AGBL1: variants seen among roughly 807,000 people sequenced by gnomAD.
The protein encoded by AGBL1 is AGBL carboxypeptidase 1.
Under a neutral mutation model 118.9 loss-of-function variants are expected in AGBL1, and 130 were observed. That is an observed-to-expected ratio of 1.09 (90% CI 0.95 to 1.26). The LOEUF is 1.26. Among genes scored for constraint, AGBL1 ranks in the 50% most tolerant of loss-of-function variants. The pLI is 0.00. For synonymous variants in AGBL1, 555 were observed against 478.9 expected (o/e 1.16, Z -2.08); for missense variants, 1,584 against 1,298.1 (o/e 1.22, Z -3.38).
intron 7 of AGBL1, among the ~76,000 whole-genome samples, chr15:86,256,439 T>C (rs1455306014): frequency 6.6e-5 from 10 of 152,222 alleles, no homozygotes; most frequent in Admixed American, 6.5e-4. Context: ...CTTCCATCAA[T>C]TCAGCTGCTC....
At chr15:86,370,431 A>G (rs1447447417) in intron 17 of AGBL1, among the ~76,000 whole-genome samples, 5 of 151,208 alleles carry the variant, frequency 3.3e-5, no homozygotes, top group Non-Finnish European at 7.4e-5. Flanking sequence ...CAGCCTCCTG[A>G]GTAGCCGGGA....
intron 21 of AGBL1, among the ~76,000 whole-genome samples, chr15:86,671,427 T>A (rs952786085): frequency 6.6e-6 from 1 of 152,192 alleles, no homozygotes; most frequent in African/African-American, 2.4e-5. Context: ...TGTGTTACTG[T>A]CTGTGGAAAA....
At chr15:86,679,489 T>G (rs907999922) in intron 22 of AGBL1, among the ~76,000 whole-genome samples, 2 of 152,088 alleles carry the variant, frequency 1.3e-5, no homozygotes, top group Non-Finnish European at 2.9e-5. Flanking sequence ...GATTTTTCTG[T>G]TTTTCTGGAT....
chr15:86,821,383 A>C (rs1446655370), intron 22 of AGBL1, among the ~76,000 whole-genome samples: 1 of 152,216 alleles, frequency 6.6e-6, no homozygotes, highest in Non-Finnish European at 1.5e-5. Flanking sequence ...AGGGAGAATA[A>C]CATTGAATTT....
At position 86,808,893 on chromosome 15, in the gene AGBL1, T is replaced by C. The variant is rs190500080; in HGVS notation, c.3159-98194T>C. 4.7e-3 allele frequency among the ~76,000 whole-genome samples: 721 copies of C among 152,184 alleles called. 9 individuals carry two copies. Among genetic ancestry groups the C allele is most frequent in the African/African-American group, 0.017 (694 of 41,528 alleles). Reference sequence around the variant, plus strand: ...GGCAATTATGGATGGATTTTCTCTTTTTTTCTGAATAATTTATTCAATTAC... The same window carrying C: ...GGCAATTATGGATGGATTTTCTCTTCTTTTCTGAATAATTTATTCAATTAC... On this transcript the variant is annotated intron_variant, in intron 22 of 22. Transcript: ENST00000614907.
At chr15:86,564,631 A>G (rs2083884232) in intron 21 of AGBL1, among the ~76,000 whole-genome samples, 1 of 152,104 alleles carries the variant, frequency 6.6e-6, no homozygotes, top group Non-Finnish European at 1.5e-5. Context: ...TTCTCAAGGA[A>G]TATCTTTGTG....
chr15:86,928,813 T>C (rs1365609359), intron 23 of AGBL1, among the ~76,000 whole-genome samples: 2 of 152,204 alleles, frequency 1.3e-5, no homozygotes, highest in Non-Finnish European at 2.9e-5. Flanking sequence ...TTATTTTACA[T>C]GTGAGGTTGC....
chr15:87,029,989 G>C (rs550516367), downstream of AGBL1, among the ~76,000 whole-genome samples: 57 of 151,902 alleles, frequency 3.8e-4, no homozygotes, highest in African/African-American at 1.1e-3. Context: ...AAATTTCATT[G>C]ATTCTTTTTG....
intron 1 of AGBL1, among the ~76,000 whole-genome samples, chr15:86,124,331 A>G (rs1898278640): frequency 1.6e-5 from 1 of 62,570 alleles, no homozygotes; most frequent in African/African-American, 7.6e-5. Context: ...CTCTGTCTCA[A>G]AAAAAAAAAA....
intron 22 of AGBL1, among the ~76,000 whole-genome samples, chr15:86,765,089 T>C (rs2078076200): frequency 6.6e-6 from 1 of 151,970 alleles, no homozygotes; most frequent in Non-Finnish European, 1.5e-5. Context: ...GAAACTTAAC[T>C]GCTTCTACAC....
At chr15:86,755,709 T>C (rs2077928794) in intron 22 of AGBL1, among the ~76,000 whole-genome samples, 1 of 152,144 alleles carries the variant, frequency 6.6e-6, no homozygotes, top group African/African-American at 2.4e-5. Context: ...CCTGACTGCA[T>C]GGTTGTTGAG....
At chr15:86,399,501 A>C (rs1263998180) in intron 18 of AGBL1, among the ~76,000 whole-genome samples, 1 of 152,148 alleles carries the variant, frequency 6.6e-6, no homozygotes, top group Admixed American at 6.5e-5. Flanking sequence ...ATTCGTTGGG[A>C]ATTCTGGCTT....
chr15:86,525,002 C>A (rs1313526158), intron 19 of AGBL1, among the ~76,000 whole-genome samples: 1 of 152,018 alleles, frequency 6.6e-6, no homozygotes, highest in Non-Finnish European at 1.5e-5. Context: ...CTAGGAAACC[C>A]TACAGACTCC....
At chr15:86,948,085 C>A (rs775222672) in intron 23 of AGBL1, among the ~76,000 whole-genome samples, 3 of 152,090 alleles carry the variant, frequency 2.0e-5, no homozygotes, top group Non-Finnish European at 4.4e-5. Context: ...CATTTTACGG[C>A]ATGACAGAAG....
At chr15:86,223,297 G>T (rs925399579) in intron 5 of AGBL1, among the ~76,000 whole-genome samples, 2 of 152,142 alleles carry the variant, frequency 1.3e-5, no homozygotes, top group African/African-American at 4.8e-5. Flanking sequence ...CTAGGATTGG[G>T]TTAGGCGCCT....
chr15:86,549,975 G>T (rs953179942), intron 20 of AGBL1, among the ~76,000 whole-genome samples: 1 of 152,010 alleles, frequency 6.6e-6, no homozygotes, highest in African/African-American at 2.4e-5. Context: ...CACTAGGTGG[G>T]ATTGTCAGCA....
intron 22 of AGBL1, among the ~76,000 whole-genome samples, chr15:86,764,192 C>T (rs570741047): frequency 2.2e-4 from 33 of 152,050 alleles, no homozygotes; most frequent in South Asian, 1.2e-3. Context: ...ACAATATACA[C>T]GCTTCCAGAA....
At chr15:86,360,891 AG>A (rs1485938971) in intron 17 of AGBL1, among the ~76,000 whole-genome samples, 1 of 151,860 alleles carries the variant, frequency 6.6e-6, no homozygotes, top group Non-Finnish European at 1.5e-5. Context: ...AGCTATCTAA[AG>A]GTTTATGGAT....
intron 6 of AGBL1, among the ~76,000 whole-genome samples, chr15:86,240,914 A>T (rs1204094748): frequency 6.6e-6 from 1 of 152,250 alleles, no homozygotes; most frequent in South Asian, 2.1e-4. Context: ...CATATTAAAC[A>T]TGTAACTGCT....
Sources: gnomAD v4.1 joint callset for allele counts (sites outside exome capture counted in the v4.1 genomes callset) on GRCh38, gnomAD v4.1.1 for gene constraint, MANE v1.5 for transcripts, NCBI Gene and HGNC (gene_info 2026-07-23, HGNC 2026-07-21) for gene names.